Variants in NELL1 observed in about 807,000 individuals in gnomAD.
NELL1 encodes the protein neural EGFL like 1, also known as protein kinase C-binding protein NELL1.
NELL1 carries 76 observed loss-of-function variants against 107.4 expected under a neutral mutation model. That is an observed-to-expected ratio of 0.71 (90% CI 0.59 to 0.86). The LOEUF (loss-of-function observed/expected upper bound fraction) is 0.86, where lower values mean the gene tolerates loss of function less well. Among genes scored for constraint, NELL1 ranks in the 40% least tolerant of loss-of-function variants. The pLI is 0.00. For missense variants in NELL1, 1,024 were observed against 1,005.5 expected (o/e 1.02, Z -0.25); for synonymous variants, 353 against 341.2 (o/e 1.03, Z -0.38).
intron 13 of NELL1, among the ~76,000 whole-genome samples, chr11:21,131,292 G>A (rs187017364): frequency 1.0e-3 from 152 of 152,284 alleles, no homozygotes; most frequent in African/African-American, 3.4e-3. Flanking sequence ...ATGTTTAGAA[G>A]CAATGTTATT....
At position 20,669,841 on chromosome 11, in the gene NELL1, C is replaced by G; in HGVS notation, c.55+63C>G. 1 of 1,397,040 alleles carries G rather than the reference C, an allele frequency of 7.2e-7. No individual in the cohort carries two copies. Among genetic ancestry groups the G allele is most frequent in the East Asian group, 2.3e-5 (1 of 43,452 alleles). The allele number at this position is 1,397,040 out of a possible 1,614,324, so 86.5% of individuals were successfully genotyped here. A position where few individuals can be genotyped will look rare whatever the true frequency, so the allele number is the denominator to read the frequency against. On this transcript the variant is annotated intron_variant, in intron 1 of 19. Transcript: ENST00000357134. The surrounding 1 kb of genome is among the most constrained non-coding windows in gnomAD (Gnocchi z 4.4). ...TGGGGGTGCCCACAGACCACGGCGG[C>G]GTGGGGAGACCTGGAGCCGAGCTTT...
intron 5 of NELL1, among the ~76,000 whole-genome samples, chr11:20,896,505 G>A (rs562328828): frequency 2.0e-5 from 3 of 152,236 alleles, no homozygotes; most frequent in South Asian, 4.2e-4. Flanking sequence ...TGGGATTGCT[G>A]GATCAAATGG....
chr11:20,979,284 C>A lies in NELL1; in HGVS notation c.1300+18724C>A, dbSNP rs564362982. On this transcript the variant is annotated intron_variant, in intron 12 of 19. Transcript: ENST00000357134. The stretch of plus-strand genomic sequence containing the variant: ...AAACAAAGCATATTTGGTAACCATG[C>A]TATCATAAAAGGAAACCTGAACTGC... 8.7e-4 allele frequency among the ~76,000 whole-genome samples: 132 copies of A among 152,230 alleles called. 1 individual carries two copies. The highest frequency in any genetic ancestry group is 1.1e-3 in the Non-Finnish European group (77 of 68,006).
chr11:21,275,112 G>A (rs1387387326), intron 14 of NELL1, among the ~76,000 whole-genome samples: 3 of 152,146 alleles, frequency 2.0e-5, no homozygotes, highest in Non-Finnish European at 4.4e-5. Flanking sequence ...GAATCCAGGA[G>A]CTGGTTTTTT....
At chr11:20,886,441 T>A (rs550189920) in intron 5 of NELL1, among the ~76,000 whole-genome samples, 9 of 152,068 alleles carry the variant, frequency 5.9e-5, no homozygotes, top group Non-Finnish European at 1.3e-4. Flanking sequence ...TCAAAATGAC[T>A]ATAATGCTCG....
chr11:20,722,423 G>A (rs566171745), intron 2 of NELL1, among the ~76,000 whole-genome samples: 1 of 152,200 alleles, frequency 6.6e-6, no homozygotes, highest in East Asian at 1.9e-4. Flanking sequence ...ATGGAATTGG[G>A]CAACTTGGTT....
At position 20,963,259 on chromosome 11, in the gene NELL1, C is replaced by A. The variant is rs1457915738; in HGVS notation, c.1300+2699C>A. ...CTTCGTAGAAAGTCATTCCCCAACTCTACCCCTATTACCACCATAACCACA... is the reference window on the plus strand; with the variant it reads ...CTTCGTAGAAAGTCATTCCCCAACTATACCCCTATTACCACCATAACCACA... On this transcript the variant is annotated intron_variant, in intron 12 of 19. Coordinates refer to ENST00000357134, the MANE Select transcript of NELL1 (RefSeq NM_006157.5). Among the ~76,000 whole-genome samples, 3 of 152,114 alleles carry A rather than the reference C, an allele frequency of 2.0e-5. No homozygotes were observed. The East Asian group carries it at 5.8e-4, about 29-fold the overall frequency.
intron 15 of NELL1, among the ~76,000 whole-genome samples, chr11:21,471,398 C>A (rs918097395): frequency 1.3e-5 from 2 of 151,994 alleles, no homozygotes; most frequent in African/African-American, 4.8e-5. Flanking sequence ...GAAATATGTT[C>A]TTTTCTGATT....
intron 3 of NELL1, among the ~76,000 whole-genome samples, chr11:20,807,469 A>G (rs1857409257): frequency 6.6e-6 from 1 of 152,194 alleles, no homozygotes; most frequent in South Asian, 2.1e-4. Context: ...TGTGGTCACC[A>G]CCACTGGGAC....
intron 2 of NELL1, among the ~76,000 whole-genome samples, chr11:20,755,720 T>C (rs113426662): frequency 6.6e-6 from 1 of 151,492 alleles, no homozygotes; most frequent in African/African-American, 2.4e-5. Context: ...CAGGCCTGGC[T>C]AATTTTTCTA....
intron 12 of NELL1, among the ~76,000 whole-genome samples, chr11:21,109,665 A>G (rs544688667): frequency 1.3e-5 from 2 of 152,182 alleles, no homozygotes; most frequent in Admixed American, 1.3e-4. Context: ...GGGAGTTATG[A>G]TTTTTGTTTT....
intron 14 of NELL1, among the ~76,000 whole-genome samples, chr11:21,301,234 A>T (rs929628728): frequency 2.0e-5 from 3 of 152,116 alleles, no homozygotes; most frequent in African/African-American, 7.2e-5. Flanking sequence ...TAGCAGCATG[A>T]TTTATAATCC....
At chr11:21,447,553 A>G (rs770793377) in intron 15 of NELL1, among the ~76,000 whole-genome samples, 5 of 152,272 alleles carry the variant, frequency 3.3e-5, no homozygotes, top group Non-Finnish European at 4.4e-5. Context: ...CCAATGCCCT[A>G]TCCTACTGAG....
intron 12 of NELL1, among the ~76,000 whole-genome samples, chr11:21,084,686 A>T (rs1022374477): frequency 6.6e-6 from 1 of 152,162 alleles, no homozygotes. Context: ...CAGTAGTGGA[A>T]TTGCCAGTCA....
chr11:21,310,016 A>T (rs564368827), intron 14 of NELL1, among the ~76,000 whole-genome samples: 3 of 152,258 alleles, frequency 2.0e-5, no homozygotes, highest in African/African-American at 7.2e-5. Context: ...TAGTCTTCAC[A>T]TAAAGGCATT....
intron 14 of NELL1, among the ~76,000 whole-genome samples, chr11:21,254,361 G>T (rs530948262): frequency 1.3e-5 from 2 of 152,034 alleles, no homozygotes; most frequent in South Asian, 4.2e-4. Context: ...ATTACATTAT[G>T]GAAATTGCAC....
intron 14 of NELL1, among the ~76,000 whole-genome samples, chr11:21,338,456 TG>T (rs929397373): frequency 4.6e-5 from 7 of 152,164 alleles, no homozygotes; most frequent in African/African-American, 1.4e-4. Flanking sequence ...TAGCCTAAAA[TG>T]TGTGAGATTT....
intron 2 of NELL1, among the ~76,000 whole-genome samples, chr11:20,694,050 T>C (rs1196171579): frequency 6.6e-6 from 1 of 152,192 alleles, no homozygotes; most frequent in African/African-American, 2.4e-5. Flanking sequence ...CTTCCATCAC[T>C]GATACCCTCT....
intron 16 of NELL1, among the ~76,000 whole-genome samples, chr11:21,549,912 TAAAAGAGTGGA>T (rs147631161): frequency 0.04 from 6,122 of 151,622 alleles, 429 homozygotes; most frequent in African/African-American, 0.14. Context: ...AGAGGGTGAA[TAAAAGAGTGGA>T]AAAAGAGTGA....
Sources: allele counts gnomAD v4.1 joint callset (sites outside exome capture counted in the v4.1 genomes callset), GRCh38; gene constraint gnomAD v4.1.1; non-coding constraint Gnocchi (gnomAD v3.1); transcripts MANE v1.5; gene names NCBI Gene and HGNC (gene_info 2026-07-23, HGNC 2026-07-21).